Variants in DR1 observed in about 807,000 individuals in gnomAD.
DR1 encodes the protein protein Dr1.
In DR1, 7 loss-of-function variants were observed where a neutral mutation model predicts 19.9. That is an observed-to-expected ratio of 0.35 (90% confidence interval 0.20 to 0.66). The LOEUF is 0.66. Ranked by LOEUF, DR1 falls within the 30% of genes least tolerant of loss-of-function variation. DR1 has a pLI of 0.66. For missense variants in DR1, 98 were observed against 203.7 expected (o/e 0.48, Z 3.16); for synonymous variants, 76 against 72.5 (o/e 1.05, Z -0.24).
intron 1 of DR1, among the ~76,000 whole-genome samples, chr1:93,352,197 G>A (rs2101636426): frequency 6.6e-6 from 1 of 152,288 alleles, no homozygotes; most frequent in South Asian, 2.1e-4. Flanking sequence ...AGCCTCCCGT[G>A]TAGCTGGGAC....
rs1164937818 is a variant in DR1 at position 93,365,003 on chromosome 1, G to A, written c.*4364G>A. 3 of 151,900 alleles carry A rather than the reference G, an allele frequency of 2.0e-5. No homozygotes were observed. Among genetic ancestry groups the A allele is most frequent in the Non-Finnish European group, 2.9e-5 (2 of 68,182 alleles). The allele number at this position is 151,900 out of a possible 1,614,324, so 9.4% of individuals were successfully genotyped here. Reference sequence around the variant, plus strand: ...TGAGTAGCTGGGACTACAGGTGCCCGCTAGCACGCCCAGCTAATTTTTTTT... The same window carrying A: ...TGAGTAGCTGGGACTACAGGTGCCCACTAGCACGCCCAGCTAATTTTTTTT... On this transcript the variant is annotated 3_prime_UTR_variant, in exon 3 of 3. Coordinates refer to ENST00000370272, the MANE Select transcript of DR1 (RefSeq NM_001938.3).
At chr1:93,349,742 T>C (rs774426727) in intron 1 of DR1, among the ~76,000 whole-genome samples, 17 of 152,106 alleles carry the variant, frequency 1.1e-4, no homozygotes, top group Non-Finnish European at 2.9e-5. Flanking sequence ...TTCCTGTCCT[T>C]CTCACACTAG....
rs1233925606 is a variant in DR1, at chr1:93,349,275, TTC to T, written c.220+2412_220+2413del. Among the ~76,000 whole-genome samples the T allele has an allele frequency of 2.6e-5, 4 of 152,092 alleles. No homozygotes were observed. In the East Asian group the frequency reaches 5.8e-4, roughly 22 times the overall value. ...ATAACTTATTTAAAAAAATTTTTTT[TTC>T]TGTTTTGCTTATTTTGAGTTTAAGA... is the stretch of plus-strand genomic sequence containing the variant. On this transcript the variant is annotated intron_variant, in intron 1 of 2. Coordinates refer to ENST00000370272, the MANE Select transcript of DR1 (RefSeq NM_001938.3).
chr1:93,360,518 C>T lies in DR1; in HGVS notation c.410C>T (p.Ala137Val). ...GCTAGACAGCAACAAGCAGAATTGG[C>T]CCAACAGGAATGGCTTCAAATGCAG... ...AKARQQQAEL[A>V]QQEWLQMQQA... Residue 137 changes from alanine to valine, a missense_variant, in exon 3 of 3, where the codon GCC becomes GTC. Coordinates refer to ENST00000370272, the MANE Select transcript of DR1 (RefSeq NM_001938.3). 8 of 1,586,460 alleles carry T rather than the reference C, an allele frequency of 5.0e-6. No individual in the cohort carries two copies. Among genetic ancestry groups the T allele is most frequent in the Non-Finnish European group, 5.1e-6 (6 of 1,171,706 alleles).
intron 2 of DR1, chr1:93,355,027 T>G (rs1666962111): frequency 6.6e-6 from 1 of 152,144 alleles, no homozygotes; most frequent in African/African-American, 2.4e-5. Flanking sequence ...CGTTAGTACA[T>G]GCAATGTTAT....
chr1:93,365,330 G>A lies in DR1; in HGVS notation c.*4691G>A, dbSNP rs1667114911. 1 of 152,162 alleles carries A rather than the reference G, an allele frequency of 6.6e-6. No homozygotes were observed. The allele number at this position is 152,162 out of a possible 1,614,324, so 9.4% of individuals were successfully genotyped here. A position where few individuals can be genotyped will look rare whatever the true frequency, so the allele number is the denominator to read the frequency against. ...CAACTTAGAAAAACCTTAGAACAGG[G>A]TTTCTCAAACCAAGCATTGTTAGTA... On this transcript the variant is annotated 3_prime_UTR_variant, in exon 3 of 3. Transcript: ENST00000370272.
chr1:93,360,788 T>C lies in DR1; in HGVS notation c.*149T>C. 2.4e-6 allele frequency: 2 copies of C among 833,868 alleles called. No homozygotes were observed. Among genetic ancestry groups the C allele is most frequent in the African/African-American group, 3.6e-5 (2 of 56,090 alleles). The allele number at this position is 833,868 out of a possible 1,614,324, so 51.7% of individuals were successfully genotyped here. On this transcript the variant is annotated 3_prime_UTR_variant, in exon 3 of 3. Coordinates refer to ENST00000370272, the MANE Select transcript of DR1 (RefSeq NM_001938.3). ...GATGTCTGCTATTAAGTTTCATCTA[T>C]TGTGTGCTATACATGTAAAAACTGT...
intron 1 of DR1, among the ~76,000 whole-genome samples, chr1:93,350,221 G>T (rs1221072804): frequency 6.6e-6 from 1 of 152,040 alleles, no homozygotes; most frequent in Non-Finnish European, 1.5e-5. Context: ...TACTACTAAG[G>T]ATATTAAGAT....
In DR1 at chr1:93,360,746, G is replaced by C; in HGVS notation, c.*107G>C. ...ATTTTGTATGCATCTTGGTGGACTT[G>C]TCATTGGTATTCTAGGGATGTCTGC... On this transcript the variant is annotated 3_prime_UTR_variant, in exon 3 of 3. Coordinates refer to ENST00000370272, the MANE Select transcript of DR1 (RefSeq NM_001938.3). 1 of 1,254,594 alleles carries C rather than the reference G, an allele frequency of 8.0e-7. No individual in the cohort carries two copies. The highest frequency in any genetic ancestry group is 1.1e-6 in the Non-Finnish European group (1 of 914,556). The allele number at this position is 1,254,594 out of a possible 1,614,324, so 77.7% of individuals were successfully genotyped here. A position where few individuals can be genotyped will look rare whatever the true frequency, so the allele number is the denominator to read the frequency against.
chr1:93,347,869 C>T (rs1014824018), intron 1 of DR1, among the ~76,000 whole-genome samples: 15 of 152,074 alleles, frequency 9.9e-5, no homozygotes, highest in Middle Eastern at 3.4e-3. Flanking sequence ...GAGAACTTGC[C>T]TTTTGTAATA....
chr1:93,350,843 A>G (rs12133576), intron 1 of DR1, among the ~76,000 whole-genome samples: 79,090 of 152,080 alleles, frequency 0.52, 23,148 homozygotes, highest in South Asian at 0.65. Context: ...TTTTGGAAAG[A>G]TGAGATCCTT....
Position 93,365,755 on chromosome 1 carries a change from A to C in DR1, c.*5116A>C, listed in dbSNP as rs1329706389. ...AGTCAAATCTTACAGGAGACTCTTGACTTCACATCTGCTGATCCCTTTACC... is the reference window on the plus strand; with the variant it reads ...AGTCAAATCTTACAGGAGACTCTTGCCTTCACATCTGCTGATCCCTTTACC... On this transcript the variant is annotated 3_prime_UTR_variant, in exon 3 of 3. Transcript: ENST00000370272. 1 of 152,182 alleles carries C rather than the reference A, an allele frequency of 6.6e-6. No homozygotes were observed. The highest frequency in any genetic ancestry group is 1.5e-5 in the Non-Finnish European group (1 of 68,044). The allele number at this position is 152,182 out of a possible 1,614,324, so 9.4% of individuals were successfully genotyped here.
intron 1 of DR1, among the ~76,000 whole-genome samples, chr1:93,350,990 A>G (rs1194931135): frequency 2.0e-5 from 3 of 152,214 alleles, no homozygotes; most frequent in African/African-American, 4.8e-5. Flanking sequence ...TACAATAAGA[A>G]TGGCCCTCTA....
At chr1:93,359,578 A>G (rs1374789375) in intron 2 of DR1, among the ~76,000 whole-genome samples, 1 of 152,194 alleles carries the variant, frequency 6.6e-6, no homozygotes, top group Non-Finnish European at 1.5e-5. Flanking sequence ...CTTAAAGAAC[A>G]ATTCCAAGAA....
Position 93,352,095 on chromosome 1 carries a change from G to A in DR1, c.221-1813G>A, listed in dbSNP as rs551302267. Among the ~76,000 whole-genome samples, 62 of 152,156 alleles carry A rather than the reference G, an allele frequency of 4.1e-4. 2 individuals are homozygous for A. In the South Asian group the frequency reaches 0.012, roughly 31 times the overall value. On this transcript the variant is annotated intron_variant, in intron 1 of 2. Transcript: ENST00000370272. Reference sequence around the variant, plus strand: ...TTCATTTTTAATTTTTAAGAGGCAGGGTCTTGCTTTCTCACCCAGGTTGGA... The same window carrying A: ...TTCATTTTTAATTTTTAAGAGGCAGAGTCTTGCTTTCTCACCCAGGTTGGA...
At chr1:93,346,972 C>T (rs1235965258) in intron 1 of DR1, 107 bp downstream of exon 1, 2 of 1,048,788 alleles carry the variant, frequency 1.9e-6, no homozygotes, top group African/African-American at 3.2e-5. Flanking sequence ...TGGTAAGTAA[C>T]TTAATGAAAA....
intron 1 of DR1, among the ~76,000 whole-genome samples, chr1:93,353,466 A>C (rs1666942600): frequency 1.3e-5 from 2 of 152,172 alleles, no homozygotes; most frequent in African/African-American, 2.4e-5. Flanking sequence ...GGTATATTGG[A>C]CAAAAGAAAA....
intron 1 of DR1, among the ~76,000 whole-genome samples, 182 bp downstream of exon 1, chr1:93,347,047 C>T (rs1434250541): frequency 2.0e-5 from 3 of 152,166 alleles, no homozygotes; most frequent in Non-Finnish European, 4.4e-5. Context: ...TTTTGCAGTA[C>T]TTTTCATCCA....
chr1:93,348,596 T>C (rs981593000), intron 1 of DR1, among the ~76,000 whole-genome samples: 1 of 152,094 alleles, frequency 6.6e-6, no homozygotes, highest in African/African-American at 2.4e-5. Context: ...AGTGCAGCTG[T>C]AGCAAGCAGT....
Sources: allele counts gnomAD v4.1 joint callset (sites outside exome capture counted in the v4.1 genomes callset), GRCh38; gene constraint gnomAD v4.1.1; transcripts MANE v1.5; gene names NCBI Gene and HGNC (gene_info 2026-07-23, HGNC 2026-07-21).